The following FAT3 variants were observed in gnomAD, a reference collection of about 807,000 sequenced individuals.
The protein encoded by FAT3 is protocadherin Fat 3.
FAT3 carries 95 observed loss-of-function variants against 310.2 expected under a neutral mutation model. The observed-to-expected ratio is 0.31, with a 90% CI of 0.26 to 0.36. The LOEUF (loss-of-function observed/expected upper bound fraction) is 0.36. Among genes scored for constraint, FAT3 ranks in the 10% least tolerant of loss-of-function variants. The pLI, the probability that FAT3 is intolerant of heterozygous loss-of-function variation, is 1.00. For missense variants in FAT3, 5,408 were observed against 5,715.6 expected (o/e 0.95, Z 1.74); for synonymous variants, 2,314 against 2,192.9 (o/e 1.06, Z -1.54).
chr11:92,823,993 A>G (rs1219928490), intron 13 of FAT3, among the ~76,000 whole-genome samples: 1 of 152,142 alleles, frequency 6.6e-6, no homozygotes, highest in Non-Finnish European at 1.5e-5. Flanking sequence ...GTGGGATTTT[A>G]TTTGCCTTCC....
Position 92,870,820 on chromosome 11 carries a change from C to G in FAT3, c.12127+3611C>G, listed in dbSNP as rs118045999. Among the ~76,000 whole-genome samples the G allele has an allele frequency of 5.3e-5, 8 of 152,312 alleles. No individual in the cohort carries two copies. In the East Asian group the frequency reaches 1.4e-3, roughly 26 times the overall value. On this transcript the variant is annotated intron_variant, in intron 22 of 27. Coordinates refer to ENST00000525166, the MANE Select transcript of FAT3 (RefSeq NM_001367949.2). ...ATGGTAAGAGCTACCGCTTGTTAGA[C>G]TCTTACTATGTGCTTGGTACTGTGA...
chr11:92,830,294 A>C (rs1186022648), intron 13 of FAT3, among the ~76,000 whole-genome samples: 1 of 152,216 alleles, frequency 6.6e-6, no homozygotes, highest in African/African-American at 2.4e-5. Context: ...AGTCAATCCA[A>C]CCGTTATTCA....
At chr11:92,574,918 C>T (rs528289750) in intron 3 of FAT3, among the ~76,000 whole-genome samples, 1 of 152,180 alleles carries the variant, frequency 6.6e-6, no homozygotes, top group East Asian at 1.9e-4. Context: ...TCCAGTGTTT[C>T]CCTCATTAAC....
intron 4 of FAT3, among the ~76,000 whole-genome samples, chr11:92,712,050 G>C (rs1944541047): frequency 6.6e-6 from 1 of 152,120 alleles, no homozygotes; most frequent in African/African-American, 2.4e-5. Context: ...GCATGCAAGC[G>C]ACATTCGCAT....
intron 1 of FAT3, among the ~76,000 whole-genome samples, chr11:92,240,107 A>G (rs1864613971): frequency 6.6e-6 from 1 of 152,134 alleles, no homozygotes; most frequent in Admixed American, 6.6e-5. Flanking sequence ...TATGACAGAA[A>G]TGAGCAGATA....
chr11:92,642,893 T>C (rs1942015015), intron 3 of FAT3, among the ~76,000 whole-genome samples: 2 of 152,150 alleles, frequency 1.3e-5, no homozygotes, highest in African/African-American at 4.8e-5. Flanking sequence ...TGACAGAAAA[T>C]GGAACAGAGC....
intron 3 of FAT3, among the ~76,000 whole-genome samples, chr11:92,549,680 T>C (rs1954735061): frequency 6.6e-6 from 1 of 152,218 alleles, no homozygotes; most frequent in South Asian, 2.1e-4. Context: ...TGATATTATA[T>C]AATGTGGCAT....
intron 2 of FAT3, 57 bp downstream of exon 2, chr11:92,355,461 G>T (rs1006264198): frequency 6.6e-7 from 1 of 1,515,472 alleles, no homozygotes; most frequent in African/African-American, 1.4e-5. Flanking sequence ...ATGGTCAACA[G>T]TGGAAAAGTA....
chr11:92,349,462 G>A (rs1948504056), intron 1 of FAT3, among the ~76,000 whole-genome samples: 1 of 152,194 alleles, frequency 6.6e-6, no homozygotes, highest in Non-Finnish European at 1.5e-5. Flanking sequence ...TATTTCAGTT[G>A]ACTGTGCTCT....
chr11:92,547,103 G>A (rs575706159), intron 3 of FAT3, among the ~76,000 whole-genome samples: 3 of 152,272 alleles, frequency 2.0e-5, no homozygotes, highest in Admixed American at 6.5e-5. Flanking sequence ...TGGTCATCGA[G>A]CTGCTTCTCC....
At chr11:92,330,369 G>T (rs967264010) in intron 1 of FAT3, among the ~76,000 whole-genome samples, 1 of 152,218 alleles carries the variant, frequency 6.6e-6, no homozygotes, top group Admixed American at 6.5e-5. Flanking sequence ...GGAGAATCTA[G>T]CAGAGCTATC....
chr11:92,281,839 G>C (rs887123991), intron 1 of FAT3, among the ~76,000 whole-genome samples: 7 of 152,024 alleles, frequency 4.6e-5, no homozygotes, highest in Non-Finnish European at 1.0e-4. Context: ...GCTTAAACTA[G>C]AGTTCTCATA....
intron 2 of FAT3, among the ~76,000 whole-genome samples, chr11:92,504,159 A>G (rs1953030978): frequency 6.6e-6 from 1 of 152,164 alleles, no homozygotes; most frequent in South Asian, 2.1e-4. Flanking sequence ...TATGCCAAAA[A>G]CAAGTTGTGC....
At chr11:92,674,553 C>T (rs1943228018) in intron 3 of FAT3, among the ~76,000 whole-genome samples, 1 of 151,948 alleles carries the variant, frequency 6.6e-6, no homozygotes, top group Non-Finnish European at 1.5e-5. Flanking sequence ...TGCAGAGTCT[C>T]ACTCTGTTGC....
chr11:92,465,660 C>G lies in FAT3; in HGVS notation c.3293-58974C>G, dbSNP rs558865280. 4.9e-4 allele frequency among the ~76,000 whole-genome samples: 74 copies of G among 152,140 alleles called. 1 individual carries two copies. The highest frequency in any genetic ancestry group is 1.7e-3 in the African/African-American group (72 of 41,514). On this transcript the variant is annotated intron_variant, in intron 2 of 27. Transcript: ENST00000525166. ...TTCTCACTCATAGGTGGGAATTGAA[C>G]AATGAGAACACTTGGACACAGGGTG...
At position 92,734,772 on chromosome 11, in the gene FAT3, C is replaced by T. The variant is rs1945293103; in HGVS notation, c.3670-27084C>T. Among the ~76,000 whole-genome samples the T allele has an allele frequency of 3.3e-5, 5 of 152,162 alleles. 1 individual carries two copies. In the South Asian group the frequency reaches 1.0e-3, roughly 32 times the overall value. On this transcript the variant is annotated intron_variant, in intron 4 of 27. Transcript: ENST00000525166. The stretch of plus-strand genomic sequence containing the variant: ...ACCAGACAGACAGGAAGAGTAGGCA[C>T]AGCGTGTATGTTTGTTGGGAGAGCA...
At chr11:92,522,287 C>T (rs1189203888) in intron 2 of FAT3, among the ~76,000 whole-genome samples, 1 of 152,102 alleles carries the variant, frequency 6.6e-6, no homozygotes, top group Non-Finnish European at 1.5e-5. Context: ...ATGAGAGTTC[C>T]ACAAAACTGT....
At chr11:92,355,992 A>G (rs926830156) in intron 2 of FAT3, among the ~76,000 whole-genome samples, 2 of 152,214 alleles carry the variant, frequency 1.3e-5, no homozygotes, top group Non-Finnish European at 2.9e-5. Flanking sequence ...GAGTCTTGCT[A>G]TGAATTTTAT....
chr11:92,271,220 T>C (rs765478516), intron 1 of FAT3, among the ~76,000 whole-genome samples: 13 of 152,120 alleles, frequency 8.5e-5, no homozygotes, highest in Non-Finnish European at 1.9e-4. Context: ...ACTCCTTACT[T>C]TAGCCTCAAG....
Sources: allele counts gnomAD v4.1 joint callset (sites outside exome capture counted in the v4.1 genomes callset), GRCh38; gene constraint gnomAD v4.1.1; transcripts MANE v1.5; gene names NCBI Gene and HGNC (gene_info 2026-07-23, HGNC 2026-07-21).